Variants in MICAL2 observed in about 807,000 individuals in gnomAD.
The protein encoded by MICAL2 is [F-actin]-monooxygenase MICAL2.
A neutral mutation model predicts 127.3 loss-of-function variants in MICAL2; 77 were observed. The ratio of observed to expected loss-of-function variants is 0.60; its 90% CI spans 0.50 to 0.73. The LOEUF is 0.73. Among genes scored for constraint, MICAL2 ranks in the 30% least tolerant of loss-of-function variants. The pLI, the probability that MICAL2 is intolerant of heterozygous loss-of-function variation, is 0.00. For missense variants in MICAL2, 1,351 were observed against 1,434.4 expected (o/e 0.94, Z 0.94); for synonymous variants, 570 against 551.1 (o/e 1.03, Z -0.48).
downstream of MICAL2, chr11:12,294,329 T>G: frequency 6.2e-7 from 1 of 1,614,064 alleles, no homozygotes; most frequent in Non-Finnish European, 8.5e-7. Context: ...CAAGCAAGAA[T>G]CCAAAACTTT....
At chr11:12,213,506 C>G in intron 7 of MICAL2, 96 bp downstream of exon 7, 1 of 1,236,522 alleles carries the variant, frequency 8.1e-7, no homozygotes, top group Non-Finnish European at 1.1e-6. Flanking sequence ...GGCTCTTGGG[C>G]CTCGAGGGAC....
At chr11:12,195,723 A>G (rs1451408355) in intron 3 of MICAL2, among the ~76,000 whole-genome samples, 4 of 119,692 alleles carry the variant, frequency 3.3e-5, no homozygotes, top group East Asian at 4.5e-4. Flanking sequence ...TTTTTTTTGT[A>G]TTAGAAAATA....
intron 1 of MICAL2, among the ~76,000 whole-genome samples, chr11:12,136,543 G>A (rs4559672): frequency 0.044 from 6,666 of 152,190 alleles, 497 homozygotes; most frequent in African/African-American, 0.15. Flanking sequence ...GGTACCTGGA[G>A]GGGGGCAGCT....
intron 32 of MICAL2, among the ~76,000 whole-genome samples, chr11:12,331,102 T>C (rs1454684565): frequency 2.0e-5 from 3 of 152,098 alleles, no homozygotes; most frequent in Non-Finnish European, 4.4e-5. Flanking sequence ...TAGACTCTTA[T>C]TGGTTGAGGC....
chr11:12,283,577 T>C (rs1863794216), intron 2 of MICAL2, among the ~76,000 whole-genome samples: 2 of 152,134 alleles, frequency 1.3e-5, no homozygotes. Context: ...AAGCCAGTCA[T>C]AAAAGGACAT....
rs115437369 is a variant in MICAL2, at chr11:12,194,460, A to T, written c.265-9790A>T. 4.2e-3 allele frequency among the ~76,000 whole-genome samples: 636 copies of T among 152,358 alleles called. 4 individuals are homozygous for T. The highest frequency in any genetic ancestry group is 0.015 in the African/African-American group (617 of 41,574). ...TTAACAGTTACTAAGCAACTAAAAA[A>T]GAGAAAATGGCAGAAATGAACTGCT... On this transcript the variant is annotated intron_variant, in intron 3 of 27. Coordinates refer to ENST00000683283, the MANE Select transcript of MICAL2 (RefSeq NM_001282663.2).
chr11:12,134,306 T>A (rs1276929609), intron 1 of MICAL2, among the ~76,000 whole-genome samples: 1 of 152,226 alleles, frequency 6.6e-6, no homozygotes, highest in Non-Finnish European at 1.5e-5. Context: ...TATCTGGATT[T>A]TTTTTCTGCA....
intron 32 of MICAL2, chr11:12,327,352 C>A: frequency 9.0e-7 from 1 of 1,108,190 alleles, no homozygotes; most frequent in Non-Finnish European, 1.3e-6. Flanking sequence ...GACCTTGTCA[C>A]CTGCTGGAGA....
rs144356521 is a variant in MICAL2, at chr11:12,331,929, T to G, written c.5515+4663T>G. Among the ~76,000 whole-genome samples, 5 of 152,332 alleles carry G rather than the reference T, an allele frequency of 3.3e-5. No homozygotes were observed. In the East Asian group the frequency reaches 9.6e-4, roughly 29 times the overall value. ...TTGTATTTATTTGTTTGTTCATCCA[T>G]TCACATTCATTTGTAACTATACTCC... On this transcript the variant is annotated intron_variant, in intron 32 of 34. Coordinates refer to the MICAL2 transcript ENST00000646065.
downstream of MICAL2, among the ~76,000 whole-genome samples, chr11:12,287,480 A>T (rs538223242): frequency 5.9e-5 from 9 of 152,202 alleles, 1 homozygote; most frequent in South Asian, 1.7e-3. Flanking sequence ...TGAAATACAG[A>T]TGAGTAAACT....
At chr11:12,248,099 G>A (rs973549659) in intron 21 of MICAL2, among the ~76,000 whole-genome samples, 2 of 152,240 alleles carry the variant, frequency 1.3e-5, no homozygotes, top group African/African-American at 4.8e-5. Flanking sequence ...GTTACTCACA[G>A]GGATGCAAAC....
intron 6 of MICAL2, among the ~76,000 whole-genome samples, chr11:12,212,415 G>A (rs1435483224): frequency 2.6e-5 from 4 of 152,300 alleles, no homozygotes; most frequent in East Asian, 3.9e-4. Context: ...GGTCGAGGCT[G>A]CAGTGAGCCA....
At chr11:12,327,379 T>C in intron 32 of MICAL2, 1 of 843,088 alleles carries the variant, frequency 1.2e-6, no homozygotes, top group South Asian at 1.8e-5. Flanking sequence ...AGCATGGACA[T>C]ATGGTGGTAA....
intron 8 of MICAL2, among the ~76,000 whole-genome samples, chr11:12,217,451 G>T (rs577416657): frequency 3.9e-5 from 6 of 152,172 alleles, no homozygotes; most frequent in African/African-American, 1.4e-4. Flanking sequence ...AGATGGGTGG[G>T]CGATGGGCTT....
intron 16 of MICAL2, among the ~76,000 whole-genome samples, chr11:12,238,205 C>T (rs1859357734): frequency 6.6e-6 from 1 of 152,176 alleles, no homozygotes; most frequent in South Asian, 2.1e-4. Context: ...TTCCTGGTGT[C>T]CTTGGGAAAA....
intron 25 of MICAL2, 112 bp from the exon 26 acceptor site, chr11:12,259,683 G>C (rs1237082600): frequency 1.0e-6 from 1 of 956,038 alleles, no homozygotes; most frequent in African/African-American, 1.7e-5. Flanking sequence ...AGATTATTGT[G>C]GGGGCTGGTT....
At chr11:12,325,443 C>T (rs1452922675) in intron 31 of MICAL2, among the ~76,000 whole-genome samples, 1 of 152,152 alleles carries the variant, frequency 6.6e-6, no homozygotes, top group Non-Finnish European at 1.5e-5. Context: ...ACACTGTATT[C>T]GTCTGCTTGG....
chr11:12,312,191 T>G (rs1359044667), intron 29 of MICAL2, among the ~76,000 whole-genome samples: 4 of 151,984 alleles, frequency 2.6e-5, no homozygotes, highest in Non-Finnish European at 5.9e-5. Flanking sequence ...TTCGCTTTGT[T>G]GATTTTCAAT....
intron 24 of MICAL2, among the ~76,000 whole-genome samples, chr11:12,257,891 C>T (rs902541026): frequency 1.3e-5 from 2 of 152,110 alleles, no homozygotes; most frequent in Non-Finnish European, 2.9e-5. Flanking sequence ...CAGTGCGTGC[C>T]CCGTCTGGGT....
Sources: allele counts gnomAD v4.1 joint callset (sites outside exome capture counted in the v4.1 genomes callset), GRCh38; gene constraint gnomAD v4.1.1; transcripts MANE v1.5; gene names NCBI Gene and HGNC (gene_info 2026-07-23, HGNC 2026-07-21).